Variants in SPTLC1 observed in about 807,000 individuals in gnomAD.
The protein encoded by SPTLC1 is serine palmitoyltransferase 1.
Under a neutral mutation model 68.9 loss-of-function variants are expected in SPTLC1, and 55 were observed. The observed-to-expected ratio is 0.80, with a 90% CI of 0.64 to 1.00. SPTLC1 has a LOEUF of 1.00. SPTLC1 is among the 50% of genes least tolerant of loss of function. SPTLC1 has a pLI of 0.00. For missense variants in SPTLC1, 449 were observed against 573.1 expected, an observed-to-expected ratio of 0.78 and a Z score of 2.21; for synonymous variants, 197 against 201.6, an observed-to-expected ratio of 0.98 and a Z score of 0.19.
chr9:92,049,482 GAC>G (rs560639706), intron 9 of SPTLC1, among the ~76,000 whole-genome samples: 2 of 151,760 alleles, frequency 1.3e-5, no homozygotes, highest in African/African-American at 2.4e-5. Context: ...TGGTGTTTCT[GAC>G]ACACACACAC....
chr9:92,047,761 C>A (rs1330538900), intron 9 of SPTLC1, 53 bp from the exon 10 acceptor site: 34 of 1,301,150 alleles, frequency 2.6e-5, no homozygotes, highest in Non-Finnish European at 3.7e-5. Context: ...AAAAAAAAGG[C>A]CAACTTCAAG....
At chr9:92,076,783 T>C (rs1834696576) in intron 5 of SPTLC1, 1 of 152,206 alleles carries the variant, frequency 6.6e-6, no homozygotes, top group Non-Finnish European at 1.5e-5. Context: ...GCCCCGTGTC[T>C]GGAAACTCAA....
At chr9:92,104,288 C>G (rs1288073599) in intron 3 of SPTLC1, 4 of 1,367,040 alleles carry the variant, frequency 2.9e-6, no homozygotes, top group Admixed American at 3.1e-5. Context: ...GTCCGTGAGG[C>G]CTTCCCAGCT....
intron 6 of SPTLC1, among the ~76,000 whole-genome samples, chr9:92,061,183 C>G (rs1166294089): frequency 2.6e-5 from 4 of 152,094 alleles, no homozygotes; most frequent in Non-Finnish European, 5.9e-5. Flanking sequence ...CTAATGCAAA[C>G]AAATAGTTGC....
intron 8 of SPTLC1, 163 bp downstream of exon 8, chr9:92,055,242 T>C: frequency 6.7e-7 from 1 of 1,481,604 alleles, no homozygotes; most frequent in East Asian, 2.6e-5. Flanking sequence ...AGGCCAGCAC[T>C]GGCATTCAGT....
intron 13 of SPTLC1, among the ~76,000 whole-genome samples, chr9:92,037,206 G>C (rs1042887877): frequency 1.3e-5 from 2 of 152,194 alleles, no homozygotes; most frequent in African/African-American, 4.8e-5. Flanking sequence ...AGAAGAGCCT[G>C]CCTGAGAGGC....
intron 9 of SPTLC1, among the ~76,000 whole-genome samples, 183 bp downstream of exon 9, chr9:92,049,777 G>C (rs1833645001): frequency 6.6e-6 from 1 of 152,190 alleles, no homozygotes; most frequent in Non-Finnish European, 1.5e-5. Flanking sequence ...GAAGGAAGAT[G>C]GGGTTCCCTG....
intron 7 of SPTLC1, among the ~76,000 whole-genome samples, chr9:92,056,421 G>T (rs985553066): frequency 1.3e-5 from 2 of 152,154 alleles, no homozygotes; most frequent in Admixed American, 1.3e-4. Flanking sequence ...TAGAGATGGG[G>T]TTTCACCATG....
intron 7 of SPTLC1, among the ~76,000 whole-genome samples, chr9:92,056,597 T>C (rs1053229165): frequency 6.6e-6 from 1 of 152,146 alleles, no homozygotes; most frequent in African/African-American, 2.4e-5. Context: ...CTCCCACATG[T>C]ATGAAACTGT....
chr9:92,059,334 T>C (rs763187962), intron 6 of SPTLC1, 26 bp from the exon 7 acceptor site: 23 of 1,612,702 alleles, frequency 1.4e-5, no homozygotes, highest in Non-Finnish European at 1.9e-5. Context: ...ATCCACCAAA[T>C]TGGGTTTAAA....
At chr9:92,073,363 A>T (rs1462021155) in intron 5 of SPTLC1, among the ~76,000 whole-genome samples, 1 of 152,194 alleles carries the variant, frequency 6.6e-6, no homozygotes, top group African/African-American at 2.4e-5. Context: ...CTGGCCTCCA[A>T]GGCCAGGCAC....
In SPTLC1 at chr9:92,067,952, T is replaced by G. The variant is rs138239508; in HGVS notation, c.560+14A>C. ...AAGGAACTGCTATTAGAAAACTACGTAAAGTTTACTTACACAAAAACAATG... is the reference window on the plus strand; with the variant it reads ...AAGGAACTGCTATTAGAAAACTACGGAAAGTTTACTTACACAAAAACAATG... On this transcript the variant is annotated intron_variant, in intron 6 of 14. Coordinates refer to ENST00000262554, the MANE Select transcript of SPTLC1 (RefSeq NM_006415.4). 4 of 1,612,944 alleles carry G rather than the reference T, an allele frequency of 2.5e-6. No individual in the cohort carries two copies. In the East Asian group the frequency reaches 8.9e-5, roughly 36 times the overall value.
chr9:92,033,608 T>G (rs1220364011), intron 14 of SPTLC1, among the ~76,000 whole-genome samples: 1 of 151,990 alleles, frequency 6.6e-6, no homozygotes, highest in Non-Finnish European at 1.5e-5. Context: ...CAGGCTGGAG[T>G]GCAATGGAGT....
chr9:92,103,361 T>A (rs1835827649), intron 3 of SPTLC1, among the ~76,000 whole-genome samples: 1 of 152,216 alleles, frequency 6.6e-6, no homozygotes, highest in Non-Finnish European at 1.5e-5. Context: ...GAAGACCTCC[T>A]TCGAGGTGTG....
At chr9:92,039,429 T>TATC (rs1833264444) in intron 12 of SPTLC1, among the ~76,000 whole-genome samples, 1 of 152,048 alleles carries the variant, frequency 6.6e-6, no homozygotes, top group Admixed American at 6.5e-5. Context: ...TTATTATTAT[T>TATC]ATTATTTTTG....
chr9:92,052,409 G>A (rs1833730264), intron 8 of SPTLC1, among the ~76,000 whole-genome samples: 2 of 152,028 alleles, frequency 1.3e-5, no homozygotes, highest in Non-Finnish European at 2.9e-5. Context: ...CTTCATCAAC[G>A]CATACGCAAA....
At chr9:92,038,792 G>C (rs953200170) in intron 12 of SPTLC1, among the ~76,000 whole-genome samples, 9 of 152,224 alleles carry the variant, frequency 5.9e-5, no homozygotes, top group African/African-American at 2.2e-4. Context: ...ACCCACTTTA[G>C]GGAAGGCTCT....
intron 3 of SPTLC1, among the ~76,000 whole-genome samples, chr9:92,089,538 G>A (rs959541329): frequency 1.1e-4 from 16 of 152,190 alleles, no homozygotes; most frequent in Middle Eastern, 3.4e-3. Context: ...ATCAGACACT[G>A]CAGAAAAATG....
At chr9:92,040,440 T>G (rs1587906920) in intron 12 of SPTLC1, among the ~76,000 whole-genome samples, 1 of 151,914 alleles carries the variant, frequency 6.6e-6, no homozygotes. Flanking sequence ...AAATAGCATT[T>G]CATATGAATC....
Sources: allele counts gnomAD v4.1 joint callset (sites outside exome capture counted in the v4.1 genomes callset), GRCh38; gene constraint gnomAD v4.1.1; transcripts MANE v1.5; gene names NCBI Gene and HGNC (gene_info 2026-07-23, HGNC 2026-07-21).